The following CACNA1I variants were observed in gnomAD, a reference collection of about 807,000 sequenced individuals.
CACNA1I encodes voltage-dependent T-type calcium channel subunit alpha-1I.
In CACNA1I, 74 loss-of-function variants were observed where a neutral mutation model predicts 201.6. The ratio of observed to expected loss-of-function variants is 0.37; its 90% CI spans 0.30 to 0.45. CACNA1I has a LOEUF of 0.45. CACNA1I is among the 20% of genes least tolerant of loss of function. The probability of loss-of-function intolerance (pLI) is 1.00; values close to 1 mark genes in which losing one functional copy is unlikely to be tolerated. For missense variants in CACNA1I, 2,346 were observed against 3,138.1 expected, an observed-to-expected ratio of 0.75 and a Z score of 6.03; for synonymous variants, 1,431 against 1,345.2, an observed-to-expected ratio of 1.06 and a Z score of -1.40.
intron 1 of CACNA1I, among the ~76,000 whole-genome samples, chr22:39,577,896 G>T (rs1459708707): frequency 6.6e-6 from 1 of 152,262 alleles, no homozygotes; most frequent in African/African-American, 2.4e-5. Flanking sequence ...TGCCCTTGCT[G>T]AGCGTCTGTT....
Position 39,677,545 on chromosome 22 carries a change from T to A in CACNA1I, c.4933+126T>A. The stretch of plus-strand genomic sequence containing the variant: ...AGGGTCTTTGTATTGGGGAGATGCC[T>A]ACAGCAGGGCCCTCAGCTGTCTGGT... On this transcript the variant is annotated intron_variant, in intron 30 of 36. Coordinates refer to ENST00000402142, the MANE Select transcript of CACNA1I (RefSeq NM_021096.4). This position sits in a 1 kb window ranked among gnomAD's most constrained non-coding sequence, Gnocchi z 4.8. The A allele has an allele frequency of 1.5e-6, 1 of 664,994 alleles. No homozygotes were observed. 41.2% of individuals were successfully genotyped at this position (664,994 alleles called of 1,614,324 possible).
rs144448544 is a variant in CACNA1I at position 39,632,650 on chromosome 22, G to A, written c.581-1915G>A. Among the ~76,000 whole-genome samples the A allele has an allele frequency of 2.8e-3, 424 of 152,320 alleles. 2 individuals are homozygous for A. Among genetic ancestry groups the A allele is most frequent in the Non-Finnish European group, 4.7e-3 (318 of 68,030 alleles). ...TCTTTGGATTCCCCATGTGCCCAAC[G>A]CCATGCCTGGCATGCAGCTGGCATT... On this transcript the variant is annotated intron_variant, in intron 4 of 36. Coordinates refer to ENST00000402142, the MANE Select transcript of CACNA1I (RefSeq NM_021096.4).
At chr22:39,626,968 G>A (rs1421321917) in intron 4 of CACNA1I, among the ~76,000 whole-genome samples, 1 of 152,202 alleles carries the variant, frequency 6.6e-6, no homozygotes, top group Non-Finnish European at 1.5e-5. Flanking sequence ...CTTTCTAGAT[G>A]GGGAAGCAGG....
chr22:39,602,089 T>G, intron 3 of CACNA1I, among the ~76,000 whole-genome samples: 1 of 88,720 alleles, frequency 1.1e-5, no homozygotes, highest in Non-Finnish European at 2.3e-5. Flanking sequence ...CCTTCTTTTT[T>G]TGAGATGGGG....
intron 1 of CACNA1I, among the ~76,000 whole-genome samples, chr22:39,597,542 G>A (rs935579086): frequency 1.3e-5 from 2 of 152,254 alleles, no homozygotes; most frequent in African/African-American, 4.8e-5. Flanking sequence ...GCCTGTCCAG[G>A]ACTGAGGGGC....
At position 39,580,938 on chromosome 22, in the gene CACNA1I, A is replaced by G. The variant is rs144312783; in HGVS notation, c.236+9950A>G. Among the ~76,000 whole-genome samples the G allele has an allele frequency of 1.5e-3, 234 of 152,320 alleles. 9 individuals are homozygous for G. The East Asian group carries it at 0.038, about 25-fold the overall frequency. On this transcript the variant is annotated intron_variant, in intron 1 of 36. Coordinates refer to ENST00000402142, the MANE Select transcript of CACNA1I (RefSeq NM_021096.4). Reference sequence around the variant, plus strand: ...TCTGGGCTTGAGTGGAGGCGCCCCCAGGCCTGTTCAGCCATGTCATGTGGG... The same window carrying G: ...TCTGGGCTTGAGTGGAGGCGCCCCCGGGCCTGTTCAGCCATGTCATGTGGG...
At chr22:39,602,442 G>A (rs1933095994) in intron 3 of CACNA1I, among the ~76,000 whole-genome samples, 1 of 152,098 alleles carries the variant, frequency 6.6e-6, no homozygotes, top group African/African-American at 2.4e-5. Context: ...ACTGAGACCT[G>A]TACGGAAGCT....
chr22:39,661,385 C>A, intron 16 of CACNA1I, 75 bp downstream of exon 16: 2 of 1,160,054 alleles, frequency 1.7e-6, no homozygotes, highest in South Asian at 1.6e-5. Context: ...AGAGAGGTAC[C>A]TGCCAGTCTA....
chr22:39,598,878 A>C (rs1932955231), intron 2 of CACNA1I, among the ~76,000 whole-genome samples: 1 of 145,480 alleles, frequency 6.9e-6, no homozygotes, highest in African/African-American at 2.6e-5. Flanking sequence ...ATGTGGAAAC[A>C]CTCGGTGCAA....
chr22:39,662,757 T>C lies in CACNA1I; in HGVS notation c.3373-19T>C. 6.5e-7 allele frequency: 1 copy of C among 1,539,828 alleles called. No individual in the cohort carries two copies. Among genetic ancestry groups the C allele is most frequent in the Non-Finnish European group, 8.8e-7 (1 of 1,135,350 alleles). On this transcript the variant is annotated intron_variant, in intron 17 of 36. Transcript: ENST00000402142. The stretch of plus-strand genomic sequence containing the variant: ...CCTGCGCATCGCTGACCCCCGGCGC[T>C]CCGTCCTCCTCTTGCTAGACCCTGT...
chr22:39,583,121 C>T (rs1205274458), intron 1 of CACNA1I, among the ~76,000 whole-genome samples: 2 of 98,920 alleles, frequency 2.0e-5, no homozygotes, highest in Non-Finnish European at 2.2e-5. Flanking sequence ...TCCATCCATG[C>T]ATGCATCCAT....
chr22:39,673,918 C>T (rs757685290), intron 28 of CACNA1I, 45 bp from the exon 29 acceptor site: 1 of 1,594,468 alleles, frequency 6.3e-7, no homozygotes, highest in Non-Finnish European at 8.6e-7. Flanking sequence ...ACACACGTCC[C>T]CACCGGCCTG....
chr22:39,573,623 T>C (rs1376544233), intron 1 of CACNA1I, among the ~76,000 whole-genome samples: 1 of 152,086 alleles, frequency 6.6e-6, no homozygotes, highest in African/African-American at 2.4e-5. Context: ...GCTGCCTTGA[T>C]CTCAGGCACC....
At chr22:39,614,110 A>G (rs1933462385) in intron 3 of CACNA1I, among the ~76,000 whole-genome samples, 1 of 152,092 alleles carries the variant, frequency 6.6e-6, no homozygotes, top group African/African-American at 2.4e-5. Context: ...GGCCTCCCAA[A>G]GTACTGGGCT....
chr22:39,619,209 T>C, intron 3 of CACNA1I, 101 bp from the exon 4 acceptor site: 1 of 866,770 alleles, frequency 1.2e-6, no homozygotes. Flanking sequence ...ACTTGCCCTG[T>C]CCAGGCAGTA....
At chr22:39,678,229 G>A (rs765659016) in intron 31 of CACNA1I, 121 bp downstream of exon 31, 15 of 1,210,818 alleles carry the variant, frequency 1.2e-5, no homozygotes, top group Non-Finnish European at 1.6e-5. Context: ...GGGCATGCAG[G>A]GCACGGAGGA....
At chr22:39,592,494 A>G (rs111235818) in intron 1 of CACNA1I, among the ~76,000 whole-genome samples, 3,612 of 152,154 alleles carry the variant, frequency 0.024, 119 homozygotes, top group African/African-American at 0.078. Flanking sequence ...CTCTCTAACG[A>G]CGCTGGCAGG....
intron 1 of CACNA1I, among the ~76,000 whole-genome samples, chr22:39,574,769 G>T (rs1422475447): frequency 6.6e-6 from 1 of 152,230 alleles, no homozygotes; most frequent in Non-Finnish European, 1.5e-5. Flanking sequence ...CAAAGGGGTG[G>T]TGGGTGCGTA....
In CACNA1I at chr22:39,659,012, G is replaced by A. The variant is rs895272233; in HGVS notation, c.2226G>A (p.Val742=). 6.2e-7 allele frequency: 1 copy of A among 1,612,032 alleles called. No individual in the cohort carries two copies. Among genetic ancestry groups the A allele is most frequent in the African/African-American group, 1.3e-5 (1 of 75,014 alleles). The stretch of plus-strand genomic sequence containing the variant: ...GGCTGCTGCGCGTGCTGAAACTGGT[G>A]CGCTTCATGCCTGCCCTGCGGCGCC... The part of the protein sequence containing the change: ...TFRLLRVLKL[V]RFMPALRRQL... Residue 742 remains valine, a synonymous_variant, in exon 12 of 37, where the codon GTG becomes GTA. Transcript: ENST00000402142. This position sits in a 1 kb window ranked among gnomAD's most constrained non-coding sequence, Gnocchi z 4.3.
Sources: gnomAD v4.1 joint callset for allele counts (sites outside exome capture counted in the v4.1 genomes callset) on GRCh38, gnomAD v4.1.1 for gene constraint, Gnocchi (gnomAD v3.1) non-coding constraint, MANE v1.5 for transcripts, NCBI Gene and HGNC (gene_info 2026-07-23, HGNC 2026-07-21) for gene names.